Variants in ZFHX3 observed in about 807,000 individuals in gnomAD.
ZFHX3 encodes zinc finger homeobox 3, also known as zinc finger homeobox protein 3.
ZFHX3 carries 42 observed loss-of-function variants against 279.1 expected under a neutral mutation model. The ratio of observed to expected loss-of-function variants is 0.15; its 90% CI spans 0.12 to 0.19. The LOEUF is 0.19. ZFHX3 is among the 10% of genes least tolerant of loss of function. The probability of loss-of-function intolerance (pLI) is 1.00; values close to 1 mark genes in which losing one functional copy is unlikely to be tolerated. For missense variants in ZFHX3, 4,981 were observed against 4,754.0 expected, an observed-to-expected ratio of 1.05 and a Z score of -1.40; for synonymous variants, 2,293 against 1,957.8, an observed-to-expected ratio of 1.17 and a Z score of -4.52.
intron 3 of ZFHX3, among the ~76,000 whole-genome samples, chr16:72,912,569 T>C (rs2039345303): frequency 6.6e-6 from 1 of 152,148 alleles, no homozygotes; most frequent in Non-Finnish European, 1.5e-5. Context: ...TTTAAGACTT[T>C]GAATAAAACT....
chr16:73,539,985 C>T (rs548183457), intron 2 of ZFHX3, among the ~76,000 whole-genome samples: 6 of 152,224 alleles, frequency 3.9e-5, no homozygotes, highest in South Asian at 2.1e-4. Context: ...GACATGTGTG[C>T]TATGAAAGCA....
chr16:73,682,989 AG>A (rs2053040066), intron 1 of ZFHX3, among the ~76,000 whole-genome samples: 1 of 34,978 alleles, frequency 2.9e-5, no homozygotes, highest in Non-Finnish European at 5.6e-5. Flanking sequence ...AAAGAAAGAA[AG>A]AAAAGAAAGA....
chr16:73,031,758 C>T (rs1484976295), intron 1 of ZFHX3, among the ~76,000 whole-genome samples: 1 of 152,154 alleles, frequency 6.6e-6, no homozygotes, highest in Non-Finnish European at 1.5e-5. Flanking sequence ...CTGCTCCTTT[C>T]TCTGCAGGTC....
intron 3 of ZFHX3, among the ~76,000 whole-genome samples, chr16:73,384,752 C>G (rs1180619629): frequency 2.6e-5 from 4 of 152,234 alleles, no homozygotes; most frequent in Admixed American, 2.0e-4. Flanking sequence ...AGACAGACAG[C>G]TCAGTGGACA....
chr16:73,222,318 C>G (rs141277505), intron 5 of ZFHX3, among the ~76,000 whole-genome samples: 7 of 151,824 alleles, frequency 4.6e-5, no homozygotes, highest in Admixed American at 6.6e-5. Flanking sequence ...TGTAGGAAAT[C>G]TGAAAAAAAT....
chr16:73,178,634 A>C (rs955163037), intron 5 of ZFHX3, among the ~76,000 whole-genome samples: 9 of 152,152 alleles, frequency 5.9e-5, no homozygotes, highest in African/African-American at 2.2e-4. Flanking sequence ...TGGCATTGAA[A>C]ATTCAACACA....
intron 2 of ZFHX3, chr16:73,543,801 C>T (rs559939891): frequency 6.6e-6 from 1 of 151,766 alleles, no homozygotes; most frequent in South Asian, 2.1e-4. Flanking sequence ...CCCCATCTGC[C>T]CACCCCCACT....
Position 72,884,119 on chromosome 16 carries a change from T to C in ZFHX3, c.3448+5612A>G, listed in dbSNP as rs146295614. Among the ~76,000 whole-genome samples, 51 of 152,246 alleles carry C rather than the reference T, an allele frequency of 3.3e-4. No homozygotes were observed. The East Asian group carries it at 9.6e-3, about 29-fold the overall frequency. ...TCAAGTGAGAAAGCTGAAGACAGTA[T>C]ATATTCTTGGTCTCTTAACTCTTAA... On this transcript the variant is annotated intron_variant, in intron 4 of 9. Transcript: ENST00000268489.
chr16:72,847,238 T>C (rs952916187), intron 4 of ZFHX3, among the ~76,000 whole-genome samples: 1 of 152,140 alleles, frequency 6.6e-6, no homozygotes, highest in Admixed American at 6.5e-5. Context: ...GTATTGAGGA[T>C]GAAGGGGGGA....
intron 1 of ZFHX3, among the ~76,000 whole-genome samples, chr16:73,752,464 A>G (rs565366669): frequency 2.7e-4 from 41 of 151,912 alleles, no homozygotes; most frequent in African/African-American, 9.9e-4. Context: ...TGGCACCCAT[A>G]CTCTGTCTCT....
intron 2 of ZFHX3, among the ~76,000 whole-genome samples, chr16:73,656,656 T>C (rs1235646820): frequency 1.3e-5 from 2 of 152,200 alleles, no homozygotes; most frequent in African/African-American, 2.4e-5. Context: ...ATTTTTCACT[T>C]AAAGTAAAAC....
chr16:72,928,297 C>A (rs867337519), intron 3 of ZFHX3, among the ~76,000 whole-genome samples: 1 of 123,932 alleles, frequency 8.1e-6, no homozygotes, highest in Admixed American at 8.1e-5. Context: ...CAGGTCTTTC[C>A]ACAATGTGTG....
chr16:73,278,909 C>G (rs752611145), intron 4 of ZFHX3, among the ~76,000 whole-genome samples: 22 of 152,122 alleles, frequency 1.4e-4, no homozygotes, highest in Non-Finnish European at 2.5e-4. Context: ...TCTCCAAGTC[C>G]CCTCTCGACC....
chr16:73,861,683 T>C (rs889080384), intron 1 of ZFHX3, among the ~76,000 whole-genome samples: 1 of 152,170 alleles, frequency 6.6e-6, no homozygotes, highest in Non-Finnish European at 1.5e-5. Flanking sequence ...CAGAGAAGCA[T>C]CCAGTCATCT....
At chr16:73,460,981 C>G (rs548878212) in intron 2 of ZFHX3, among the ~76,000 whole-genome samples, 21 of 152,332 alleles carry the variant, frequency 1.4e-4, no homozygotes, top group African/African-American at 5.1e-4. Context: ...CCAATTGCCT[C>G]TCTTCTCTTT....
Position 73,723,488 on chromosome 16 carries a change from G to A in ZFHX3, c.-1607-43248C>T, listed in dbSNP as rs2053493440. Among the ~76,000 whole-genome samples, 3 of 152,082 alleles carry A rather than the reference G, an allele frequency of 2.0e-5. No homozygotes were observed. The South Asian group carries it at 6.2e-4, about 31-fold the overall frequency. ...TTGAGTAAAGAAAAATGTTCACAATGTATTGTTGACATGAAAACACAGATT... is the reference window on the plus strand; with the variant it reads ...TTGAGTAAAGAAAAATGTTCACAATATATTGTTGACATGAAAACACAGATT... On this transcript the variant is annotated intron_variant, in intron 1 of 17. Transcript: ENST00000641206.
intron 2 of ZFHX3, among the ~76,000 whole-genome samples, chr16:73,600,418 C>CTTT (rs34947000): frequency 2.5e-5 from 3 of 119,610 alleles, no homozygotes; most frequent in African/African-American, 8.9e-5. Context: ...GGTCTCTCTA[C>CTTT]TTTTTTTTTT....
rs1436022733 is a variant in ZFHX3 at position 73,311,425 on chromosome 16, T to C, written c.-1194+6815A>G. ...GCCTGGCCAACATGGTGAAACCTTGTCTCTACTAAAAATACAAAAATTAGC... is the reference window on the plus strand; with the variant it reads ...GCCTGGCCAACATGGTGAAACCTTGCCTCTACTAAAAATACAAAAATTAGC... On this transcript the variant is annotated intron_variant, in intron 4 of 17. Transcript: ENST00000641206. Among the ~76,000 whole-genome samples, 4 of 136,336 alleles carry C rather than the reference T, an allele frequency of 2.9e-5. No individual in the cohort carries two copies. In the South Asian group the frequency reaches 7.6e-4, roughly 26 times the overall value. The allele number at this position is 136,336 out of a possible 152,430, so 89.4% of individuals were successfully genotyped here.
intron 3 of ZFHX3, among the ~76,000 whole-genome samples, chr16:73,393,800 G>T (rs111278827): frequency 0.018 from 2,663 of 151,778 alleles, 81 homozygotes; most frequent in African/African-American, 0.061. Context: ...AAACACTGAA[G>T]TGTTCAATTA....
Sources: allele counts gnomAD v4.1 joint callset (sites outside exome capture counted in the v4.1 genomes callset), GRCh38; gene constraint gnomAD v4.1.1; transcripts MANE v1.5; gene names NCBI Gene and HGNC (gene_info 2026-07-23, HGNC 2026-07-21).